The following SLC35D1 variants were observed in gnomAD, a reference collection of about 807,000 sequenced individuals.
SLC35D1 encodes solute carrier family 35 member D1, also known as nucleotide sugar transporter SLC35D1.
A neutral mutation model predicts 46.7 loss-of-function variants in SLC35D1; 31 were observed. The ratio of observed to expected loss-of-function variants is 0.66; its 90% CI spans 0.50 to 0.90. SLC35D1 has a LOEUF of 0.90. Ranked by LOEUF, SLC35D1 falls within the 40% of genes least tolerant of loss-of-function variation. The pLI is 0.00. For synonymous variants in SLC35D1, 195 were observed against 164.6 expected (o/e 1.18, Z -1.41); for missense variants, 397 against 426.2 (o/e 0.93, Z 0.60).
chr1:66,997,567 GTGTA>G (rs1283707919), downstream of SLC35D1, among the ~76,000 whole-genome samples: 1 of 123,170 alleles, frequency 8.1e-6, no homozygotes, highest in Admixed American at 8.8e-5. Context: ...ATATCTGTGT[GTGTA>G]TATATATACA....
chr1:67,045,547 A>C (rs1332809007), intron 7 of SLC35D1, among the ~76,000 whole-genome samples: 1 of 151,962 alleles, frequency 6.6e-6, no homozygotes, highest in African/African-American at 2.4e-5. Flanking sequence ...ATGAGCTAGG[A>C]GAAGTAATCA....
At chr1:66,984,940 T>C in the SLC35D1 span, 4 of 1,526,992 alleles carry the variant, frequency 2.6e-6, no homozygotes, top group Non-Finnish European at 3.5e-6. Flanking sequence ...TAAATTCTGG[T>C]GTGACTAAAA....
intron 8 of SLC35D1, among the ~76,000 whole-genome samples, chr1:67,035,071 G>T (rs1191654196): frequency 6.6e-6 from 1 of 152,020 alleles, no homozygotes; most frequent in Non-Finnish European, 1.5e-5. Context: ...TGGTTTGCTA[G>T]TATTTTTGTT....
the SLC35D1 span, among the ~76,000 whole-genome samples, chr1:66,983,921 T>C: frequency 6.6e-6 from 1 of 152,190 alleles, no homozygotes; most frequent in Non-Finnish European, 1.5e-5. Flanking sequence ...AGACAAGTTT[T>C]CACCCTATTG....
At chr1:67,048,053 C>G (rs969260977) in intron 6 of SLC35D1, among the ~76,000 whole-genome samples, 2 of 152,160 alleles carry the variant, frequency 1.3e-5, no homozygotes, top group African/African-American at 4.8e-5. Context: ...CATACTTCAG[C>G]ACCCTAGCTA....
chr1:66,988,373 GT>G, the SLC35D1 span: 19 of 152,048 alleles, frequency 1.2e-4, no homozygotes, highest in African/African-American at 4.6e-4. Flanking sequence ...ATCTTAAAGG[GT>G]TTTCCACACA....
intron 8 of SLC35D1, among the ~76,000 whole-genome samples, chr1:67,029,130 G>A (rs1412353284): frequency 1.4e-4 from 21 of 152,200 alleles, no homozygotes. Flanking sequence ...CCACTAGGAA[G>A]CTTTCACAAA....
intron 8 of SLC35D1, among the ~76,000 whole-genome samples, chr1:67,039,646 T>G (rs1264800235): frequency 1.3e-5 from 2 of 152,144 alleles, no homozygotes; most frequent in Non-Finnish European, 2.9e-5. Flanking sequence ...ATTCAATACA[T>G]AGAAAGTTTC....
intron 10 of SLC35D1, among the ~76,000 whole-genome samples, chr1:67,015,967 AT>A (rs1278464137): frequency 6.6e-6 from 1 of 152,098 alleles, no homozygotes; most frequent in Non-Finnish European, 1.5e-5. Context: ...CCAAATCAAA[AT>A]TTCAAATTCA....
chr1:67,013,767 C>T (rs977020523), intron 10 of SLC35D1, among the ~76,000 whole-genome samples: 4 of 152,054 alleles, frequency 2.6e-5, no homozygotes, highest in Non-Finnish European at 4.4e-5. Flanking sequence ...GTCATCACCA[C>T]GGTAAGAGCT....
chr1:67,012,610 C>T (rs1012016253), intron 10 of SLC35D1, among the ~76,000 whole-genome samples: 1 of 133,084 alleles, frequency 7.5e-6, no homozygotes, highest in African/African-American at 3.5e-5. Context: ...GAGAAGGTCA[C>T]ATTTTTTTTT....
intron 8 of SLC35D1, 98 bp from the exon 9 acceptor site, chr1:67,021,700 G>GACACACACAC (rs1178697044): frequency 2.4e-4 from 44 of 181,964 alleles, no homozygotes; most frequent in Admixed American, 1.7e-3. Flanking sequence ...CTCCAACACA[G>GACACACACAC]ACACAGACAC....
intron 11 of SLC35D1, among the ~76,000 whole-genome samples, chr1:67,008,704 A>G (rs1458281207): frequency 1.3e-5 from 2 of 152,106 alleles, no homozygotes; most frequent in South Asian, 2.1e-4. Flanking sequence ...TACACTAAAA[A>G]TGCTTTCAAT....
chr1:66,980,680 C>A, the SLC35D1 span, among the ~76,000 whole-genome samples: 70 of 152,182 alleles, frequency 4.6e-4, no homozygotes, highest in African/African-American at 1.6e-3. Flanking sequence ...ATAAATAACA[C>A]AATTAGAATT....
At chr1:66,986,620 A>G in the SLC35D1 span, 1 of 650,176 alleles carries the variant, frequency 1.5e-6, no homozygotes, top group Non-Finnish European at 2.6e-6. Context: ...AATGTGAACA[A>G]CTTTTTTTCC....
chr1:66,984,134 T>C, the SLC35D1 span, among the ~76,000 whole-genome samples: 4 of 152,260 alleles, frequency 2.6e-5, no homozygotes, highest in Admixed American at 6.5e-5. Flanking sequence ...GAAAGAGCAT[T>C]CATCTTGCTT....
At position 67,021,524 on chromosome 1, in the gene SLC35D1, C is replaced by G. The variant is rs752407912; in HGVS notation, c.797+11G>C. 1.2e-6 allele frequency: 2 copies of G among 1,613,844 alleles called. No individual in the cohort carries two copies. Among genetic ancestry groups the G allele is most frequent in the African/African-American group, 2.7e-5 (2 of 75,006 alleles). ...GGAAAACTATCTGCTAACAAGGTAA[C>G]AAAGGCTTACCCCATCACACAGGAG... On this transcript the variant is annotated intron_variant, in intron 9 of 11. Coordinates refer to ENST00000235345, the MANE Select transcript of SLC35D1 (RefSeq NM_015139.3).
chr1:66,986,059 G>C, the SLC35D1 span: 1 of 1,015,700 alleles, frequency 9.8e-7, no homozygotes, highest in Non-Finnish European at 1.2e-6. Context: ...AACAGAGGAG[G>C]GGGGTCAAGT....
intron 8 of SLC35D1, among the ~76,000 whole-genome samples, chr1:67,025,618 T>C (rs1044923785): frequency 2.6e-5 from 4 of 152,226 alleles, no homozygotes; most frequent in Non-Finnish European, 5.9e-5. Flanking sequence ...AATCTTCCCA[T>C]AGAGTTGGGG....
Sources: gnomAD v4.1 joint callset for allele counts (sites outside exome capture counted in the v4.1 genomes callset) on GRCh38, gnomAD v4.1.1 for gene constraint, MANE v1.5 for transcripts, NCBI Gene and HGNC (gene_info 2026-07-23, HGNC 2026-07-21) for gene names.